Variants in LTBP1 observed in about 807,000 individuals in gnomAD.
The protein encoded by LTBP1 is latent-transforming growth factor beta-binding protein 1.
LTBP1 carries 129 observed loss-of-function variants against 207.6 expected under a neutral mutation model. The observed-to-expected ratio is 0.62, with a 90% CI of 0.54 to 0.72. The LOEUF is 0.72. LTBP1 is among the 30% of genes least tolerant of loss of function. The pLI is 0.00. For missense variants in LTBP1, 2,281 were observed against 2,217.2 expected (o/e 1.03, Z -0.58); for synonymous variants, 963 against 833.7 (o/e 1.16, Z -2.67).
At chr2:33,022,265 C>CTTTTTTTTTTTTTTTTTTTTTTTTTTT (rs3047211) in intron 3 of LTBP1, among the ~76,000 whole-genome samples, 1 of 125,236 alleles carries the variant, frequency 8.0e-6, no homozygotes, top group Non-Finnish European at 1.6e-5. Context: ...CCTCAATCCT[C>CTTTTTTTTTTTTTTTTTTTTTTTTTTT]TTTTTTTTTT....
At chr2:33,329,259 T>C (rs2094466101) in intron 24 of LTBP1, among the ~76,000 whole-genome samples, 1 of 152,212 alleles carries the variant, frequency 6.6e-6, no homozygotes, top group Non-Finnish European at 1.5e-5. Flanking sequence ...TGTGAAGATA[T>C]ATCTTTAACA....
intron 3 of LTBP1, among the ~76,000 whole-genome samples, chr2:33,077,504 C>T (rs1227677513): frequency 1.3e-5 from 2 of 152,116 alleles, no homozygotes; most frequent in African/African-American, 4.8e-5. Flanking sequence ...TTCACATGGC[C>T]AGAGCAGGAG....
At chr2:33,224,234 G>A (rs2091301634) in intron 9 of LTBP1, among the ~76,000 whole-genome samples, 1 of 152,154 alleles carries the variant, frequency 6.6e-6, no homozygotes, top group Admixed American at 6.5e-5. Flanking sequence ...AGGTTGTTGG[G>A]GAACTCTATT....
At chr2:33,120,806 AC>A (rs2081062757) in intron 4 of LTBP1, among the ~76,000 whole-genome samples, 1 of 152,182 alleles carries the variant, frequency 6.6e-6, no homozygotes, top group Non-Finnish European at 1.5e-5. Context: ...TTATACTCCC[AC>A]CAGCAGTGTT....
intron 26 of LTBP1, among the ~76,000 whole-genome samples, chr2:33,351,323 C>T (rs533715142): frequency 1.3e-5 from 2 of 152,278 alleles, no homozygotes; most frequent in South Asian, 2.1e-4. Flanking sequence ...TAATGAATGG[C>T]AGAATTGGTC....
At chr2:33,099,800 C>A (rs184067766) in intron 3 of LTBP1, among the ~76,000 whole-genome samples, 1 of 152,280 alleles carries the variant, frequency 6.6e-6, no homozygotes, top group East Asian at 1.9e-4. Context: ...GTGGGTGCCT[C>A]TCATAGTGCT....
chr2:33,331,575 T>C (rs1285529263), intron 24 of LTBP1, among the ~76,000 whole-genome samples: 4 of 152,166 alleles, frequency 2.6e-5, no homozygotes, highest in African/African-American at 9.6e-5. Context: ...CCAGAGAATA[T>C]ACTCTAAATG....
intron 2 of LTBP1, among the ~76,000 whole-genome samples, chr2:33,015,878 T>C (rs1010803427): frequency 2.8e-4 from 42 of 152,148 alleles, no homozygotes; most frequent in African/African-American, 9.4e-4. Flanking sequence ...CACACACTTT[T>C]GAACAACCAG....
intron 15 of LTBP1, among the ~76,000 whole-genome samples, chr2:33,264,813 C>G (rs145289626): frequency 1.3e-3 from 194 of 152,236 alleles, no homozygotes; most frequent in African/African-American, 4.4e-3. Flanking sequence ...CAGGATATAT[C>G]CAGATATGTA....
At chr2:32,960,883 A>G (rs960041267) in intron 2 of LTBP1, among the ~76,000 whole-genome samples, 2 of 152,150 alleles carry the variant, frequency 1.3e-5, no homozygotes, top group South Asian at 4.1e-4. Flanking sequence ...GGGCTGCTGT[A>G]ATAGGTGATA....
At position 32,966,344 on chromosome 2, in the gene LTBP1, A is replaced by G. The variant is rs913659355; in HGVS notation, c.565+17399A>G. On this transcript the variant is annotated intron_variant, in intron 2 of 33. Transcript: ENST00000404816. ...TTTTTATTTTAATGAAGTCCAGCTT[A>G]TCAATTCTTTCTTTCATGGATTGTG... 3.3e-5 allele frequency among the ~76,000 whole-genome samples: 5 copies of G among 152,066 alleles called. No homozygotes were observed. The East Asian group carries it at 7.7e-4, about 23-fold the overall frequency.
At chr2:32,975,579 C>CTTTTTTTTTTT (rs1681593045) in intron 2 of LTBP1, among the ~76,000 whole-genome samples, 1 of 13,210 alleles carries the variant, frequency 7.6e-5, no homozygotes, top group African/African-American at 3.5e-4. Flanking sequence ...TTCATTCATT[C>CTTTTTTTTTTT]TTTGTTTTTT....
chr2:33,024,473 G>A (rs2075320774), intron 3 of LTBP1, among the ~76,000 whole-genome samples: 1 of 152,208 alleles, frequency 6.6e-6, no homozygotes, highest in African/African-American at 2.4e-5. Flanking sequence ...TTGAGGAACA[G>A]CTAGTTTGGT....
chr2:33,344,329 A>G (rs571189560), intron 25 of LTBP1, among the ~76,000 whole-genome samples: 29 of 152,296 alleles, frequency 1.9e-4, no homozygotes, highest in Admixed American at 4.6e-4. Context: ...ACCAAAATAC[A>G]GTTGTTTGAC....
At chr2:32,998,089 A>G (rs1685552016) in intron 2 of LTBP1, among the ~76,000 whole-genome samples, 1 of 152,208 alleles carries the variant, frequency 6.6e-6, no homozygotes, top group South Asian at 2.1e-4. Flanking sequence ...AATGGACCAT[A>G]CTAGTACCTT....
chr2:33,203,991 G>T (rs1350591895), intron 7 of LTBP1, among the ~76,000 whole-genome samples: 1 of 152,200 alleles, frequency 6.6e-6, no homozygotes, highest in African/African-American at 2.4e-5. Flanking sequence ...GGCTCTGATG[G>T]TCTGATGTGG....
At chr2:33,338,062 T>A (rs1161501435) in intron 24 of LTBP1, among the ~76,000 whole-genome samples, 1 of 152,230 alleles carries the variant, frequency 6.6e-6, no homozygotes. Flanking sequence ...GAAACAAATG[T>A]CCTCTTATTA....
At chr2:33,199,898 C>G (rs1256759698) in intron 7 of LTBP1, among the ~76,000 whole-genome samples, 4 of 152,110 alleles carry the variant, frequency 2.6e-5, no homozygotes, top group Non-Finnish European at 4.4e-5. Flanking sequence ...TAATAAAATA[C>G]CTAGGAATCC....
intron 3 of LTBP1, among the ~76,000 whole-genome samples, chr2:33,080,415 C>G (rs1481697122): frequency 3.9e-5 from 6 of 152,120 alleles, no homozygotes; most frequent in Non-Finnish European, 8.8e-5. Context: ...TCTTCTATGT[C>G]TTTATCTGTT....
Sources: gnomAD v4.1 joint callset for allele counts (sites outside exome capture counted in the v4.1 genomes callset) on GRCh38, gnomAD v4.1.1 for gene constraint, MANE v1.5 for transcripts, NCBI Gene and HGNC (gene_info 2026-07-23, HGNC 2026-07-21) for gene names.